Variants in MAGI2 observed in about 807,000 individuals in gnomAD.
MAGI2 encodes the protein membrane associated guanylate kinase, WW and PDZ domain containing 2.
Under a neutral mutation model 133.3 loss-of-function variants are expected in MAGI2, and 35 were observed. That is an observed-to-expected ratio of 0.26 (90% CI 0.20 to 0.35). The LOEUF is 0.35. Among genes scored for constraint, MAGI2 ranks in the 10% least tolerant of loss-of-function variants. The pLI is 1.00. For synonymous variants in MAGI2, 729 were observed against 710.6 expected (o/e 1.03, Z -0.41); for missense variants, 1,636 against 1,863.4 (o/e 0.88, Z 2.25).
In MAGI2 at chr7:78,256,503, A is replaced by G; in HGVS notation, c.1487T>C (p.Val496Ala). 2 of 1,613,930 alleles carry G rather than the reference A, an allele frequency of 1.2e-6. No homozygotes were observed. The highest frequency in any genetic ancestry group is 1.7e-6 in the Non-Finnish European group (2 of 1,179,928). Residue 496 changes from valine to alanine, a missense_variant, in exon 10 of 22, where the codon GTT (valine) becomes GCT (alanine). Val to Ala is a moderately conservative substitution (Grantham distance 64). This residue lies in a region of MAGI2 where 920 missense variants were observed against 1,093.5 expected (regional missense o/e 0.84). Coordinates refer to ENST00000354212, the MANE Select transcript of MAGI2 (RefSeq NM_012301.4). ...CAGGTTGACACTCTGACCAATAGGA[A>G]CAGACTGGAAAAGTTTGACAACATC... is the stretch of plus-strand genomic sequence containing the variant. Reference protein sequence around the residue: ...HADVVKLFQSVPIGQSVNLVL... With the variant: ...HADVVKLFQSAPIGQSVNLVL...
intron 9 of MAGI2, among the ~76,000 whole-genome samples, chr7:78,284,344 G>C (rs376511092): frequency 6.6e-6 from 1 of 151,948 alleles, no homozygotes; most frequent in African/African-American, 2.4e-5. Flanking sequence ...AATCTCAGCT[G>C]TTCCTGAGGA....
chr7:78,187,995 C>A (rs1306186744), intron 12 of MAGI2, among the ~76,000 whole-genome samples: 1 of 152,108 alleles, frequency 6.6e-6, no homozygotes, highest in Admixed American at 6.6e-5. Flanking sequence ...TTACTCCTCC[C>A]CCTGCCTTTA....
At chr7:78,665,958 T>A (rs1332500244) in intron 2 of MAGI2, among the ~76,000 whole-genome samples, 2 of 152,228 alleles carry the variant, frequency 1.3e-5, no homozygotes, top group East Asian at 3.9e-4. Context: ...TAGGGTGATG[T>A]CAAGCTTAGT....
At chr7:79,435,450 T>A (rs955874112) in intron 1 of MAGI2, among the ~76,000 whole-genome samples, 1 of 152,136 alleles carries the variant, frequency 6.6e-6, no homozygotes, top group African/African-American at 2.4e-5. Context: ...ATATGAAAAA[T>A]TAGGAGAATC....
intron 4 of MAGI2, among the ~76,000 whole-genome samples, chr7:78,508,844 G>A (rs1795323417): frequency 6.6e-6 from 1 of 151,668 alleles, no homozygotes; most frequent in African/African-American, 2.4e-5. Context: ...TGACTTTTAA[G>A]ATGCATTTCT....
chr7:78,667,378 T>A (rs184902564), intron 2 of MAGI2, among the ~76,000 whole-genome samples: 2,438 of 151,210 alleles, frequency 0.016, 32 homozygotes, highest in Non-Finnish European at 0.027. Context: ...CTTTTTTTTT[T>A]AATTTTTTAA....
chr7:78,357,345 A>G (rs926472444), intron 7 of MAGI2, among the ~76,000 whole-genome samples: 1 of 152,200 alleles, frequency 6.6e-6, no homozygotes, highest in Non-Finnish European at 1.5e-5. Context: ...TAATAATGGT[A>G]GCTATTAATA....
intron 3 of MAGI2, among the ~76,000 whole-genome samples, chr7:78,547,656 C>T (rs553334146): frequency 2.0e-5 from 3 of 152,262 alleles, no homozygotes; most frequent in South Asian, 2.1e-4. Flanking sequence ...GGCACGCGCG[C>T]ACACACACAC....
At chr7:78,389,288 G>C (rs1795686901) in intron 6 of MAGI2, among the ~76,000 whole-genome samples, 1 of 152,166 alleles carries the variant, frequency 6.6e-6, no homozygotes, top group African/African-American at 2.4e-5. Flanking sequence ...CGCTCCATGG[G>C]AGGCAAAGAA....
At chr7:79,042,612 AAG>A (rs1811774370) in intron 1 of MAGI2, among the ~76,000 whole-genome samples, 2 of 152,166 alleles carry the variant, frequency 1.3e-5, no homozygotes, top group African/African-American at 4.8e-5. Flanking sequence ...GAGACTTACA[AAG>A]ACTTTGATAA....
In MAGI2 at chr7:78,209,146, C is replaced by T. The variant is rs1259923436; in HGVS notation, c.2048-7953G>A. ...CTGAGGCAGGAGAATGGCGTGAACC[C>T]GGGAGGCGGAGCTTGCAGTGAGCTG... On this transcript the variant is annotated intron_variant, in intron 10 of 21. Transcript: ENST00000354212. 1.3e-3 allele frequency among the ~76,000 whole-genome samples: 99 copies of T among 73,434 alleles called. 5 individuals carry two copies. Among genetic ancestry groups the T allele is most frequent in the Non-Finnish European group, 2.0e-3 (71 of 35,966 alleles). The allele number at this position is 73,434 out of a possible 152,430, so 48.2% of individuals were successfully genotyped here.
chr7:78,877,595 A>T (rs1795527387), intron 2 of MAGI2, among the ~76,000 whole-genome samples: 1 of 152,200 alleles, frequency 6.6e-6, no homozygotes, highest in South Asian at 2.1e-4. Context: ...AGTCAAAGGC[A>T]CTGCTATTAA....
At chr7:78,684,265 A>G (rs535916827) in intron 2 of MAGI2, among the ~76,000 whole-genome samples, 8 of 152,290 alleles carry the variant, frequency 5.3e-5, no homozygotes, top group Non-Finnish European at 1.0e-4. Context: ...ATTAATTACT[A>G]TAAGCCTTCT....
chr7:79,439,946 T>C (rs1298729017), intron 1 of MAGI2, among the ~76,000 whole-genome samples: 1 of 152,072 alleles, frequency 6.6e-6, no homozygotes, highest in African/African-American at 2.4e-5. Flanking sequence ...TTCAACCCTG[T>C]GACATGTGGC....
chr7:78,189,802 A>AT (rs1828038335), intron 12 of MAGI2, among the ~76,000 whole-genome samples: 1 of 152,208 alleles, frequency 6.6e-6, no homozygotes, highest in Non-Finnish European at 1.5e-5. Flanking sequence ...GAGCTGAATG[A>AT]TAAGACAAGC....
chr7:79,330,317 C>T (rs1467896985), intron 1 of MAGI2, among the ~76,000 whole-genome samples: 1 of 149,996 alleles, frequency 6.7e-6, no homozygotes, highest in Non-Finnish European at 1.5e-5. Context: ...CCTTAGCCTC[C>T]CAAATAGCTG....
At chr7:78,538,790 A>G (rs1221000553) in intron 3 of MAGI2, among the ~76,000 whole-genome samples, 1 of 152,206 alleles carries the variant, frequency 6.6e-6, no homozygotes, top group Non-Finnish European at 1.5e-5. Flanking sequence ...ATTGGCAAAC[A>G]GCAACAGTTT....
chr7:78,946,985 A>T (rs1801468139), intron 2 of MAGI2: 1 of 152,076 alleles, frequency 6.6e-6, no homozygotes, highest in Non-Finnish European at 1.5e-5. Context: ...TAACCATGGA[A>T]ATTACCTATT....
chr7:78,143,753 G>A (rs76416675), intron 16 of MAGI2, among the ~76,000 whole-genome samples: 12 of 152,124 alleles, frequency 7.9e-5, no homozygotes, highest in African/African-American at 2.4e-4. Flanking sequence ...AGAAAAATAC[G>A]TCAAGTATGT....
Sources: gnomAD v4.1 joint callset for allele counts (sites outside exome capture counted in the v4.1 genomes callset) on GRCh38, gnomAD v4.1.1 for gene constraint, gnomAD v4.1.1 regional missense constraint, MANE v1.5 for transcripts, NCBI Gene and HGNC (gene_info 2026-07-23, HGNC 2026-07-21) for gene names.